ZNF221: variants seen among roughly 807,000 people sequenced by gnomAD.
ZNF221 encodes the protein zinc finger protein 221.
Under a neutral mutation model 12.6 loss-of-function variants are expected in ZNF221, and 10 were observed. That is an observed-to-expected ratio of 0.79 (90% CI 0.49 to 1.34). The LOEUF (loss-of-function observed/expected upper bound fraction) is 1.34. Ranked by LOEUF, ZNF221 falls within the 40% of genes most tolerant of loss-of-function variation. ZNF221 has a pLI of 0.00. For synonymous variants in ZNF221, 232 were observed against 244.0 expected, an observed-to-expected ratio of 0.95 and a Z score of 0.46; for missense variants, 661 against 721.4, an observed-to-expected ratio of 0.92 and a Z score of 0.96.
the ZNF221 span, among the ~76,000 whole-genome samples, chr19:43,978,933 GTTTTT>G: frequency 2.0e-3 from 283 of 141,936 alleles, no homozygotes; most frequent in African/African-American, 7.0e-3. Context: ...GTGTGTGTGT[GTTTTT>G]TTTTTTTTTT....
In ZNF221 at chr19:43,957,428, C is replaced by A. The variant is rs528267967; in HGVS notation, c.-2-5297C>A. Among the ~76,000 whole-genome samples, 57 of 152,288 alleles carry A rather than the reference C, an allele frequency of 3.7e-4. 1 individual carries two copies. Among genetic ancestry groups the A allele is most frequent in the Middle Eastern group, 6.8e-3 (2 of 294 alleles). ...CCTCAGGTGATCTACCCACCTTGGCCTCTCAAAGTGCTGGTATTACAGGCA... is the reference window on the plus strand; with the variant it reads ...CCTCAGGTGATCTACCCACCTTGGCATCTCAAAGTGCTGGTATTACAGGCA... On this transcript the variant is annotated intron_variant, in intron 1 of 4. Transcript: ENST00000587682.
downstream of ZNF221, chr19:43,967,712 T>G: frequency 5.1e-6 from 1 of 196,540 alleles, no homozygotes; most frequent in South Asian, 1.1e-4. Flanking sequence ...TCTCCTGACC[T>G]CGTGATCCGC....
chr19:43,965,722 A>G, intron 4 of ZNF221, 82 bp from the exon 5 acceptor site: 1 of 1,262,144 alleles, frequency 7.9e-7, no homozygotes, highest in Non-Finnish European at 1.1e-6. Flanking sequence ...TTAAAGTTTA[A>G]TGCCATGTCC....
chr19:43,980,078 C>T, the ZNF221 span, among the ~76,000 whole-genome samples: 2 of 152,150 alleles, frequency 1.3e-5, no homozygotes, highest in Non-Finnish European at 2.9e-5. Context: ...CTGATTTGTG[C>T]TTCAGAAAGT....
chr19:43,972,523 G>A (rs1357957229), downstream of ZNF221, among the ~76,000 whole-genome samples: 3 of 151,682 alleles, frequency 2.0e-5, no homozygotes, highest in Admixed American at 6.6e-5. Context: ...TAATAAAGAA[G>A]AAAAGAGAGA....
At chr19:43,970,767 T>G (rs141950872), downstream of ZNF221, among the ~76,000 whole-genome samples, 1 of 152,172 alleles carries the variant, frequency 6.6e-6, no homozygotes, top group East Asian at 1.9e-4. Context: ...TGGAGTTATG[T>G]AAAAAGACTG....
downstream of ZNF221, among the ~76,000 whole-genome samples, chr19:43,971,595 A>T (rs1309385561): frequency 6.6e-6 from 1 of 152,190 alleles, no homozygotes; most frequent in Non-Finnish European, 1.5e-5. Context: ...AGAAAAAAGC[A>T]GGAGTCACAA....
chr19:43,954,923 T>A (rs925356045), intron 1 of ZNF221, among the ~76,000 whole-genome samples: 9 of 152,082 alleles, frequency 5.9e-5, no homozygotes, highest in Non-Finnish European at 1.2e-4. Context: ...CCACTGACAT[T>A]GGGTATGAGC....
chr19:43,951,638 G>A (rs1974671965), intron 1 of ZNF221, among the ~76,000 whole-genome samples: 1 of 152,106 alleles, frequency 6.6e-6, no homozygotes, highest in African/African-American at 2.4e-5. Flanking sequence ...TTCTTTAAAT[G>A]GGGGATATTA....
chr19:43,979,216 A>C, the ZNF221 span, among the ~76,000 whole-genome samples: 1 of 152,128 alleles, frequency 6.6e-6, no homozygotes, highest in South Asian at 2.1e-4. Flanking sequence ...CTTGCTCCTA[A>C]CAGGATTGTC....
At chr19:43,975,348 A>G in the ZNF221 span, among the ~76,000 whole-genome samples, 1 of 152,232 alleles carries the variant, frequency 6.6e-6, no homozygotes. Flanking sequence ...CATATAGACC[A>G]TGGAATACTA....
intron 2 of ZNF221, 113 bp from the exon 3 acceptor site, chr19:43,964,837 C>A: frequency 1.5e-6 from 2 of 1,376,412 alleles, no homozygotes; most frequent in South Asian, 1.3e-5. Flanking sequence ...TGACCTACAT[C>A]CCTCAAGATC....
the ZNF221 span, among the ~76,000 whole-genome samples, chr19:43,976,451 C>T: frequency 2.0e-5 from 3 of 152,052 alleles, no homozygotes; most frequent in Admixed American, 6.6e-5. Context: ...GCATGAGAAT[C>T]GCTTGAGCCT....
the ZNF221 span, among the ~76,000 whole-genome samples, chr19:43,978,935 T>G: frequency 0.43 from 50,672 of 116,686 alleles, 10,897 homozygotes; most frequent in Non-Finnish European, 0.54. Flanking sequence ...GTGTGTGTGT[T>G]TTTTTTTTTT....
At chr19:43,954,604 G>T (rs1257612155) in intron 1 of ZNF221, among the ~76,000 whole-genome samples, 1 of 152,166 alleles carries the variant, frequency 6.6e-6, no homozygotes, top group East Asian at 1.9e-4. Flanking sequence ...AATTTTGCCA[G>T]ATGGGGTGAA....
the ZNF221 span, among the ~76,000 whole-genome samples, chr19:43,979,176 T>C: frequency 1.3e-5 from 2 of 152,088 alleles, no homozygotes; most frequent in East Asian, 1.9e-4. Context: ...TTGTATAGAA[T>C]TTTACAAAAC....
Position 43,966,738 on chromosome 19 carries a change from T to C in ZNF221, c.1236T>C (p.His412=). Residue 412 remains histidine, a synonymous_variant, in exon 5 of 5, where the codon CAT becomes CAC. Coordinates refer to ENST00000587682, the MANE Select transcript of ZNF221 (RefSeq NM_001297588.2). ...TFRWSSCLLN[H]QQVHSGQKSF... The stretch of plus-strand genomic sequence containing the variant: ...GATGGTCCTCATGTCTTTTGAACCA[T>C]CAGCAAGTCCACAGTGGACAAAAAT... The C allele has an allele frequency of 6.2e-7, 1 of 1,614,198 alleles. No individual in the cohort carries two copies. The highest frequency in any genetic ancestry group is 1.6e-4 in the Middle Eastern group (1 of 6,062).
At chr19:43,975,495 A>G in the ZNF221 span, among the ~76,000 whole-genome samples, 1 of 152,184 alleles carries the variant, frequency 6.6e-6, no homozygotes, top group South Asian at 2.1e-4. Context: ...TGATGAGAAC[A>G]TATGGACACA....
At chr19:43,979,425 A>ATG in the ZNF221 span, among the ~76,000 whole-genome samples, 1 of 20,910 alleles carries the variant, frequency 4.8e-5, no homozygotes, top group Admixed American at 3.6e-4. Context: ...AGTAATACAT[A>ATG]TATATATATA....
Sources: gnomAD v4.1 joint callset for allele counts (sites outside exome capture counted in the v4.1 genomes callset) on GRCh38, gnomAD v4.1.1 for gene constraint, MANE v1.5 for transcripts, NCBI Gene and HGNC (gene_info 2026-07-23, HGNC 2026-07-21) for gene names.